Variants in DIP2B observed in about 807,000 individuals in gnomAD.
DIP2B encodes DIP2 acetate--CoA ligase B (putative).
A neutral mutation model predicts 198.0 loss-of-function variants in DIP2B; 76 were observed. The observed-to-expected ratio is 0.38, with a 90% CI of 0.32 to 0.46. The LOEUF is 0.46. Among genes scored for constraint, DIP2B ranks in the 20% least tolerant of loss-of-function variants. The pLI is 0.99. For synonymous variants in DIP2B, 701 were observed against 739.1 expected, an observed-to-expected ratio of 0.95 and a Z score of 0.84; for missense variants, 1,559 against 1,978.4, an observed-to-expected ratio of 0.79 and a Z score of 4.02.
chr12:50,732,344 C>G (rs1450921043), intron 31 of DIP2B, 22 bp from the exon 32 acceptor site: 1 of 1,613,130 alleles, frequency 6.2e-7, no homozygotes, highest in Non-Finnish European at 8.5e-7. Context: ...TGACTTGGCT[C>G]CCATATAATG....
At chr12:50,686,151 C>T (rs1049748274) in intron 11 of DIP2B, among the ~76,000 whole-genome samples, 195 bp downstream of exon 11, 1 of 152,162 alleles carries the variant, frequency 6.6e-6, no homozygotes, top group African/African-American at 2.4e-5. Flanking sequence ...GTAACTTGCC[C>T]AAAGTCACAG....
chr12:50,712,090 C>T (rs1214300946), intron 22 of DIP2B, among the ~76,000 whole-genome samples: 1 of 152,124 alleles, frequency 6.6e-6, no homozygotes, highest in African/African-American at 2.4e-5. Context: ...ATCACTTGAG[C>T]CCAGCAATTT....
chr12:50,651,156 T>C (rs2684897), intron 3 of DIP2B, among the ~76,000 whole-genome samples: 145,727 of 152,274 alleles, frequency 0.96, 70,070 homozygotes, highest in East Asian at 1. Context: ...CTATTCAAGT[T>C]CTTTGCCCAT....
chr12:50,644,539 T>C (rs1938316971), intron 3 of DIP2B, among the ~76,000 whole-genome samples: 1 of 152,236 alleles, frequency 6.6e-6, no homozygotes, highest in Non-Finnish European at 1.5e-5. Flanking sequence ...CAGAAGTGAC[T>C]TCTTTATCAA....
chr12:50,736,182 A>G (rs1018406362), intron 34 of DIP2B, among the ~76,000 whole-genome samples: 2 of 152,144 alleles, frequency 1.3e-5, no homozygotes, highest in Admixed American at 6.5e-5. Flanking sequence ...CTCCAGTCTC[A>G]CTTTCCGTTT....
chr12:50,682,348 G>T (rs891257301), intron 9 of DIP2B, among the ~76,000 whole-genome samples: 5 of 152,166 alleles, frequency 3.3e-5, no homozygotes, highest in African/African-American at 1.2e-4. Flanking sequence ...AAAACTGGCC[G>T]GGTGGGGTGG....
chr12:50,577,113 A>G (rs547325548), intron 1 of DIP2B, among the ~76,000 whole-genome samples: 1 of 152,082 alleles, frequency 6.6e-6, no homozygotes, highest in African/African-American at 2.4e-5. Context: ...CAAGACTTTA[A>G]ATTTTTAACT....
At chr12:50,559,111 G>A (rs897589067) in intron 1 of DIP2B, among the ~76,000 whole-genome samples, 1 of 152,110 alleles carries the variant, frequency 6.6e-6, no homozygotes, top group African/African-American at 2.4e-5. Context: ...ATGTACCAAG[G>A]TGGATTCAGT....
chr12:50,687,366 T>A (rs1262868382), intron 12 of DIP2B, among the ~76,000 whole-genome samples: 1 of 152,122 alleles, frequency 6.6e-6, no homozygotes, highest in African/African-American at 2.4e-5. Flanking sequence ...CAGAGTTAGG[T>A]CTAACTCTAA....
chr12:50,662,132 A>G (rs1318883442), intron 4 of DIP2B, among the ~76,000 whole-genome samples: 1 of 152,174 alleles, frequency 6.6e-6, no homozygotes, highest in Admixed American at 6.5e-5. Context: ...TGATCATATT[A>G]TATGTTTTAT....
At position 50,732,738 on chromosome 12, in the gene DIP2B, A is replaced by C. The variant is rs374079640; in HGVS notation, c.3981+202A>C. Among the ~76,000 whole-genome samples, 4 of 152,154 alleles carry C rather than the reference A, an allele frequency of 2.6e-5. No individual in the cohort carries two copies. In the East Asian group the frequency reaches 5.8e-4, roughly 22 times the overall value. ...GAAGGTAGCAGTACTGTGCTTCCCC[A>C]GGCAGCTTGCACAATCACTGAGCTG... On this transcript the variant is annotated intron_variant, in intron 32 of 37. Coordinates refer to ENST00000301180, the MANE Select transcript of DIP2B (RefSeq NM_173602.3).
At chr12:50,559,039 G>T (rs957036958) in intron 1 of DIP2B, among the ~76,000 whole-genome samples, 1 of 152,164 alleles carries the variant, frequency 6.6e-6, no homozygotes, top group Non-Finnish European at 1.5e-5. Context: ...GCAGGTGAGG[G>T]CAAGGAGAGC....
intron 4 of DIP2B, among the ~76,000 whole-genome samples, chr12:50,661,168 T>C (rs1938640056): frequency 6.6e-6 from 1 of 152,204 alleles, no homozygotes; most frequent in Admixed American, 6.5e-5. Context: ...GATCTTGATA[T>C]AGGCCTTTGA....
At chr12:50,644,694 A>G (rs1201595836) in intron 3 of DIP2B, among the ~76,000 whole-genome samples, 1 of 152,182 alleles carries the variant, frequency 6.6e-6, no homozygotes, top group Non-Finnish European at 1.5e-5. Flanking sequence ...CATGTTAGAA[A>G]ATAGTTGGGT....
intron 1 of DIP2B, among the ~76,000 whole-genome samples, chr12:50,523,349 A>G (rs1019465277): frequency 7.2e-5 from 11 of 152,220 alleles, no homozygotes; most frequent in African/African-American, 2.7e-4. Context: ...TGACAGGAAA[A>G]AAAAAATCTG....
chr12:50,606,205 A>G (rs1958980390), intron 1 of DIP2B, among the ~76,000 whole-genome samples: 2 of 151,596 alleles, frequency 1.3e-5, no homozygotes, highest in Non-Finnish European at 2.9e-5. Flanking sequence ...CCTTACAGCC[A>G]CAAGTTCTGG....
At position 50,587,829 on chromosome 12, in the gene DIP2B, T is replaced by G. The variant is rs948805182; in HGVS notation, c.101-38147T>G. Among the ~76,000 whole-genome samples, 4 of 152,264 alleles carry G rather than the reference T, an allele frequency of 2.6e-5. No homozygotes were observed. The South Asian group carries it at 8.3e-4, about 32-fold the overall frequency. On this transcript the variant is annotated intron_variant, in intron 1 of 37. Coordinates refer to ENST00000301180, the MANE Select transcript of DIP2B (RefSeq NM_173602.3). ...AATTTATCACTTACTCATCAAGTAT[T>G]GCAGGGGTTCTGTATACATTTCTGT...
chr12:50,556,692 G>A (rs1214610569), intron 1 of DIP2B, among the ~76,000 whole-genome samples: 2 of 151,874 alleles, frequency 1.3e-5, no homozygotes, highest in African/African-American at 2.4e-5. Context: ...ACAGGCGCAT[G>A]CCACCACACC....
At chr12:50,677,564 G>A (rs758846755) in intron 7 of DIP2B, among the ~76,000 whole-genome samples, 10 of 152,126 alleles carry the variant, frequency 6.6e-5, no homozygotes, top group Non-Finnish European at 1.0e-4. Context: ...GCAGTGAGCC[G>A]AGATCGCTCC....
Sources: gnomAD v4.1 joint callset for allele counts (sites outside exome capture counted in the v4.1 genomes callset) on GRCh38, gnomAD v4.1.1 for gene constraint, MANE v1.5 for transcripts, NCBI Gene and HGNC (gene_info 2026-07-23, HGNC 2026-07-21) for gene names.